GULP1: variants seen among roughly 807,000 people sequenced by gnomAD.
The protein encoded by GULP1 is GULP PTB domain containing engulfment adaptor 1, also known as PTB domain-containing engulfment adapter protein 1.
In GULP1, 19 loss-of-function variants were observed where a neutral mutation model predicts 40.9. The ratio of observed to expected loss-of-function variants is 0.46; its 90% CI spans 0.32 to 0.68. GULP1 has a LOEUF of 0.68. Among genes scored for constraint, GULP1 ranks in the 30% least tolerant of loss-of-function variants. The pLI, the probability that GULP1 is intolerant of heterozygous loss-of-function variation, is 0.03. For synonymous variants in GULP1, 119 were observed against 117.6 expected, an observed-to-expected ratio of 1.01 and a Z score of -0.08; for missense variants, 312 against 362.2, an observed-to-expected ratio of 0.86 and a Z score of 1.12.
chr2:188,399,538 CTT>C (rs1440816856), intron 2 of GULP1, among the ~76,000 whole-genome samples: 1 of 151,824 alleles, frequency 6.6e-6, no homozygotes, highest in African/African-American at 2.4e-5. Flanking sequence ...TCCTAAAACT[CTT>C]TTTCATAAGT....
intron 4 of GULP1, among the ~76,000 whole-genome samples, chr2:188,516,093 C>T (rs1407337198): frequency 1.3e-5 from 2 of 152,146 alleles, no homozygotes; most frequent in Non-Finnish European, 2.9e-5. Flanking sequence ...TTTTATTCGT[C>T]ATATCTGTAG....
At position 188,520,550 on chromosome 2, in the gene GULP1, T is replaced by G. The variant is rs542897445; in HGVS notation, c.91-2206T>G. Among the ~76,000 whole-genome samples, 1,420 of 146,920 alleles carry G rather than the reference T, an allele frequency of 9.7e-3. 12 individuals are homozygous for G. The highest frequency in any genetic ancestry group is 0.018 in the Admixed American group (268 of 14,802). Reference sequence around the variant, plus strand: ...TCTAAAAAAAAAAAAAAAAAAAAAGTAACTGTTGTCCCTTACAGAATCTGA... The same window carrying G: ...TCTAAAAAAAAAAAAAAAAAAAAAGGAACTGTTGTCCCTTACAGAATCTGA... On this transcript the variant is annotated intron_variant, in intron 4 of 11. Coordinates refer to ENST00000409830, the MANE Select transcript of GULP1 (RefSeq NM_016315.4).
intron 2 of GULP1, among the ~76,000 whole-genome samples, chr2:188,440,261 T>G (rs2057796743): frequency 1.3e-5 from 2 of 152,214 alleles, no homozygotes; most frequent in South Asian, 4.1e-4. Flanking sequence ...GGATAACTGT[T>G]AAAGCTTCTT....
intron 1 of GULP1, among the ~76,000 whole-genome samples, chr2:188,349,626 G>A (rs112229179): frequency 2.2e-4 from 33 of 152,216 alleles, no homozygotes; most frequent in African/African-American, 7.5e-4. Context: ...TCAGATGTAT[G>A]ATTTGCAAAT....
chr2:188,477,105 A>C (rs1363888348), intron 2 of GULP1, among the ~76,000 whole-genome samples: 1 of 152,134 alleles, frequency 6.6e-6, no homozygotes, highest in Non-Finnish European at 1.5e-5. Flanking sequence ...TGCTATATCT[A>C]AGACAAAGAT....
At position 188,580,562 on chromosome 2, in the gene GULP1, A is replaced by T. The variant is rs7566021; in HGVS notation, c.610-3703A>T. The stretch of plus-strand genomic sequence containing the variant: ...AGCGAGACTCCGTCTCAAAAAAAAA[A>T]AAAAAATGGAGATCAACAGAGAAAT... On this transcript the variant is annotated intron_variant, in intron 9 of 11. Coordinates refer to ENST00000409830, the MANE Select transcript of GULP1 (RefSeq NM_016315.4). 3.5e-3 allele frequency among the ~76,000 whole-genome samples: 537 copies of T among 152,164 alleles called. 1 individual carries two copies. Among genetic ancestry groups the T allele is most frequent in the African/African-American group, 0.012 (490 of 41,522 alleles).
intron 2 of GULP1, among the ~76,000 whole-genome samples, chr2:188,475,967 T>A (rs1229398780): frequency 6.6e-6 from 1 of 152,142 alleles, no homozygotes; most frequent in East Asian, 1.9e-4. Flanking sequence ...ACAGCCAGCC[T>A]CTTGAAAGGA....
intron 9 of GULP1, among the ~76,000 whole-genome samples, chr2:188,576,957 A>G (rs918093704): frequency 6.6e-6 from 1 of 152,138 alleles, no homozygotes; most frequent in Non-Finnish European, 1.5e-5. Context: ...TTCTGCCCTC[A>G]TAGCCTCATA....
intron 7 of GULP1, among the ~76,000 whole-genome samples, chr2:188,544,183 A>C (rs1219368317): frequency 6.6e-6 from 1 of 152,134 alleles, no homozygotes; most frequent in African/African-American, 2.4e-5. Context: ...TATTTCATAA[A>C]ATGAAAATCA....
chr2:188,414,216 C>CAAAAAAAAAA (rs774779119), intron 2 of GULP1, among the ~76,000 whole-genome samples: 2 of 44,646 alleles, frequency 4.5e-5, no homozygotes, highest in Non-Finnish European at 8.8e-5. Flanking sequence ...GACTCCATCT[C>CAAAAAAAAAA]AAAAAAAAAA....
intron 4 of GULP1, among the ~76,000 whole-genome samples, chr2:188,496,406 G>C (rs897338344): frequency 1.3e-5 from 2 of 151,990 alleles, no homozygotes; most frequent in Non-Finnish European, 2.9e-5. Flanking sequence ...GGAGATGATG[G>C]AATAAAAACA....
At chr2:188,553,831 T>C (rs966724948) in intron 7 of GULP1, among the ~76,000 whole-genome samples, 1 of 152,098 alleles carries the variant, frequency 6.6e-6, no homozygotes, top group Non-Finnish European at 1.5e-5. Context: ...ATATTGCTAC[T>C]CATATTGGCC....
intron 1 of GULP1, among the ~76,000 whole-genome samples, chr2:188,309,980 T>G (rs982606937): frequency 1.3e-5 from 2 of 152,252 alleles, no homozygotes; most frequent in African/African-American, 4.8e-5. Flanking sequence ...TTAAATTCAT[T>G]AGAATCTGGC....
At chr2:188,335,271 G>T (rs1574495728) in intron 1 of GULP1, among the ~76,000 whole-genome samples, 1 of 152,106 alleles carries the variant, frequency 6.6e-6, no homozygotes, top group Non-Finnish European at 1.5e-5. Context: ...GGGGGGAAGA[G>T]ACTTTTTTGA....
At chr2:188,563,151 T>G (rs72896876) in intron 7 of GULP1, among the ~76,000 whole-genome samples, 1,682 of 152,090 alleles carry the variant, frequency 0.011, 12 homozygotes, top group Non-Finnish European at 0.019. Context: ...AGTGGAAGGT[T>G]AAGAAACACT....
chr2:188,569,317 G>C lies in GULP1; in HGVS notation c.478G>C (p.Val160Leu). 6.3e-7 allele frequency: 1 copy of C among 1,594,592 alleles called. No individual in the cohort carries two copies. The highest frequency in any genetic ancestry group is 1.1e-5 in the South Asian group (1 of 90,680). The change falls in exon 8 of 12, where the codon GTT (valine) becomes CTT (leucine). Residue 160 changes from valine to leucine, a missense_variant. Coordinates refer to ENST00000409830, the MANE Select transcript of GULP1 (RefSeq NM_016315.4). ...RKFLESGGKDVETRKQIAGLQ... is the reference protein window; with the variant it reads ...RKFLESGGKDLETRKQIAGLQ... ...ATTTCTAGAATCAGGAGGAAAAGAT[G>C]TTGAAACAAGAAAACAGATCGCAGG...
chr2:188,521,278 T>C (rs1046769657), intron 4 of GULP1, among the ~76,000 whole-genome samples: 1 of 152,180 alleles, frequency 6.6e-6, no homozygotes, highest in African/African-American at 2.4e-5. Context: ...GACTTCTGTT[T>C]AGGAGGTATT....
intron 2 of GULP1, among the ~76,000 whole-genome samples, chr2:188,412,371 A>C (rs573054817): frequency 6.6e-6 from 1 of 152,232 alleles, no homozygotes; most frequent in South Asian, 2.1e-4. Flanking sequence ...TAATAGTGTG[A>C]TTTCATCTTC....
intron 1 of GULP1, among the ~76,000 whole-genome samples, chr2:188,358,409 TC>T (rs1301026640): frequency 6.6e-6 from 1 of 152,142 alleles, no homozygotes; most frequent in Non-Finnish European, 1.5e-5. Flanking sequence ...AGGAAAAAGT[TC>T]TGTTGCTTTT....
Sources: gnomAD v4.1 joint callset for allele counts (sites outside exome capture counted in the v4.1 genomes callset) on GRCh38, gnomAD v4.1.1 for gene constraint, MANE v1.5 for transcripts, NCBI Gene and HGNC (gene_info 2026-07-23, HGNC 2026-07-21) for gene names.